Variants in CNTN5 observed in about 807,000 individuals in gnomAD.
CNTN5 encodes contactin 5, also known as contactin-5.
In CNTN5, 77 loss-of-function variants were observed where a neutral mutation model predicts 129.1. That is an observed-to-expected ratio of 0.60 (90% CI 0.50 to 0.72). The LOEUF is 0.72. CNTN5 is among the 30% of genes least tolerant of loss of function. The pLI, the probability that CNTN5 is intolerant of heterozygous loss-of-function variation, is 0.00. For missense variants in CNTN5, 1,478 were observed against 1,328.8 expected (o/e 1.11, Z -1.75); for synonymous variants, 509 against 465.6 (o/e 1.09, Z -1.20).
At chr11:99,406,889 C>T (rs758593725) in intron 2 of CNTN5, among the ~76,000 whole-genome samples, 2 of 152,104 alleles carry the variant, frequency 1.3e-5, no homozygotes, top group Non-Finnish European at 2.9e-5. Flanking sequence ...CCCTTATGGC[C>T]CAAGGGCTCT....
chr11:99,403,130 C>G (rs1941904613), intron 2 of CNTN5, among the ~76,000 whole-genome samples: 2 of 63,732 alleles, frequency 3.1e-5, no homozygotes, highest in South Asian at 1.2e-3. Flanking sequence ...CCTTAGCCTC[C>G]CAAGTAGCTG....
chr11:100,228,164 C>G (rs917529771), intron 16 of CNTN5, among the ~76,000 whole-genome samples: 3 of 152,136 alleles, frequency 2.0e-5, no homozygotes, highest in Non-Finnish European at 4.4e-5. Context: ...ATTTGTATTA[C>G]TCTGCTTCTT....
chr11:99,543,369 T>C (rs1948176544), intron 2 of CNTN5, among the ~76,000 whole-genome samples: 1 of 152,220 alleles, frequency 6.6e-6, no homozygotes, highest in African/African-American at 2.4e-5. Context: ...GCTTTTATTA[T>C]ACATTTCTGG....
chr11:99,650,370 C>G (rs1952109137), intron 3 of CNTN5, among the ~76,000 whole-genome samples: 1 of 151,714 alleles, frequency 6.6e-6, no homozygotes, highest in South Asian at 2.1e-4. Flanking sequence ...GTTCATTCAC[C>G]TGAACAGATG....
At chr11:99,614,768 C>G (rs942698869) in intron 3 of CNTN5, among the ~76,000 whole-genome samples, 2 of 152,004 alleles carry the variant, frequency 1.3e-5, no homozygotes, top group African/African-American at 4.8e-5. Flanking sequence ...TTTCCTAGTC[C>G]ATTGCCTTAT....
chr11:100,354,972 G>T (rs969514640), intron 24 of CNTN5, among the ~76,000 whole-genome samples: 4 of 151,524 alleles, frequency 2.6e-5, no homozygotes, highest in Non-Finnish European at 3.0e-5. Context: ...GAATGTGAAG[G>T]CCTATGACTT....
chr11:100,132,111 T>C (rs554455630), intron 13 of CNTN5, among the ~76,000 whole-genome samples: 6 of 152,190 alleles, frequency 3.9e-5, no homozygotes, highest in Admixed American at 1.3e-4. Flanking sequence ...TATAGCCAAT[T>C]TGGCTTCCTT....
At chr11:99,286,020 A>C (rs1565462995) in intron 1 of CNTN5, among the ~76,000 whole-genome samples, 1 of 138,592 alleles carries the variant, frequency 7.2e-6, no homozygotes, top group African/African-American at 2.7e-5. Flanking sequence ...CCTGAGCGAC[A>C]GAGCAAGACT....
rs77152528 is a variant in CNTN5, at chr11:99,094,630, G to A, written c.-210+73360G>A. On this transcript the variant is annotated intron_variant, in intron 1 of 24. Coordinates refer to ENST00000524871, the MANE Select transcript of CNTN5 (RefSeq NM_014361.4). The stretch of plus-strand genomic sequence containing the variant: ...GGAAAAAAGAAAAATTTACACAAGA[G>A]GAAGAACAATAGTGACAGTGTTATT... Among the ~76,000 whole-genome samples, 1,132 of 152,064 alleles carry A rather than the reference G, an allele frequency of 7.4e-3. 17 individuals are homozygous for A. Among genetic ancestry groups the A allele is most frequent in the African/African-American group, 0.025 (1,058 of 41,538 alleles).
At chr11:99,203,902 A>G (rs1859345404) in intron 1 of CNTN5, among the ~76,000 whole-genome samples, 1 of 152,120 alleles carries the variant, frequency 6.6e-6, no homozygotes, top group African/African-American at 2.4e-5. Context: ...CCGGCCTCAT[A>G]TAACATTTCT....
chr11:99,842,625 GT>G (rs1345662842), intron 4 of CNTN5, among the ~76,000 whole-genome samples: 5 of 152,072 alleles, frequency 3.3e-5, no homozygotes, highest in Admixed American at 1.3e-4. Flanking sequence ...TATTTTTAAT[GT>G]TTAAGTCATA....
chr11:99,769,155 G>A (rs1944859043), intron 3 of CNTN5, among the ~76,000 whole-genome samples: 1 of 152,066 alleles, frequency 6.6e-6, no homozygotes, highest in African/African-American at 2.4e-5. Flanking sequence ...TAAACTGGCT[G>A]TTGAAAACCA....
chr11:100,195,555 A>AAATT (rs1352456328), intron 15 of CNTN5, among the ~76,000 whole-genome samples: 2 of 151,908 alleles, frequency 1.3e-5, no homozygotes, highest in African/African-American at 4.8e-5. Flanking sequence ...ACCCACTTTG[A>AAATT]AATTAGGCTC....
chr11:99,632,315 G>A (rs1951388826), intron 3 of CNTN5, among the ~76,000 whole-genome samples: 1 of 152,098 alleles, frequency 6.6e-6, no homozygotes, highest in South Asian at 2.1e-4. Flanking sequence ...AATAATGCAA[G>A]TATCTTTATA....
At chr11:99,781,374 A>C (rs1945304802) in intron 3 of CNTN5, among the ~76,000 whole-genome samples, 1 of 152,180 alleles carries the variant, frequency 6.6e-6, no homozygotes, top group East Asian at 1.9e-4. Context: ...TCAATGCATT[A>C]TTTAAGGTGG....
chr11:99,383,698 C>T (rs1256527470), intron 2 of CNTN5, among the ~76,000 whole-genome samples: 1 of 151,896 alleles, frequency 6.6e-6, no homozygotes, highest in African/African-American at 2.4e-5. Context: ...TGTAATTTCC[C>T]ATGGCTATTA....
At chr11:99,205,186 T>A (rs1432307054) in intron 1 of CNTN5, among the ~76,000 whole-genome samples, 1 of 150,192 alleles carries the variant, frequency 6.7e-6, no homozygotes, top group African/African-American at 2.5e-5. Context: ...CAAAAAAAAC[T>A]CCAAGAAACC....
At chr11:99,781,921 C>T (rs1042759676) in intron 3 of CNTN5, among the ~76,000 whole-genome samples, 1 of 152,022 alleles carries the variant, frequency 6.6e-6, no homozygotes, top group Non-Finnish European at 1.5e-5. Context: ...TGGCAGAAGA[C>T]AGGGATGCCC....
chr11:100,306,847 A>T (rs1022660677), intron 20 of CNTN5, among the ~76,000 whole-genome samples: 1 of 151,730 alleles, frequency 6.6e-6, no homozygotes, highest in Admixed American at 6.6e-5. Context: ...ATAATAAAAA[A>T]TATTCAAAAG....
Sources: allele counts gnomAD v4.1 joint callset (sites outside exome capture counted in the v4.1 genomes callset), GRCh38; gene constraint gnomAD v4.1.1; transcripts MANE v1.5; gene names NCBI Gene and HGNC (gene_info 2026-07-23, HGNC 2026-07-21).